The following KDSR variants were observed in gnomAD, a reference collection of about 807,000 sequenced individuals.
The protein encoded by KDSR is 3-dehydrosphinganine reductase.
In KDSR, 23 loss-of-function variants were observed where a neutral mutation model predicts 41.3. That is an observed-to-expected ratio of 0.56 (90% CI 0.40 to 0.79). KDSR has a LOEUF of 0.79. Ranked by LOEUF, KDSR falls within the 30% of genes least tolerant of loss-of-function variation. The pLI, the probability that KDSR is intolerant of heterozygous loss-of-function variation, is 0.00. For synonymous variants in KDSR, 138 were observed against 151.7 expected (o/e 0.91, Z 0.66); for missense variants, 351 against 416.8 (o/e 0.84, Z 1.37).
At chr18:63,347,495 CAAAAAAAAAA>C (rs36023779) in intron 6 of KDSR, among the ~76,000 whole-genome samples, 7 of 56,986 alleles carry the variant, frequency 1.2e-4, no homozygotes, top group African/African-American at 4.7e-4. Context: ...GACTCCATCT[CAAAAAAAAAA>C]AAAAAAAAAA....
chr18:63,362,610 A>G (rs753973093), intron 2 of KDSR, among the ~76,000 whole-genome samples, 169 bp downstream of exon 2: 3 of 152,252 alleles, frequency 2.0e-5, no homozygotes, highest in Admixed American at 1.3e-4. Context: ...TGATTTCAAC[A>G]GAGAAGTGTT....
rs140520568 is a variant in KDSR, at chr18:63,347,612, C to A, written c.610-3119G>T. 3.7e-3 allele frequency among the ~76,000 whole-genome samples: 569 copies of A among 151,788 alleles called. 3 individuals carry two copies. The highest frequency in any genetic ancestry group is 0.012 in the African/African-American group (501 of 41,384). On this transcript the variant is annotated intron_variant, in intron 6 of 9. Transcript: ENST00000645214. Reference sequence around the variant, plus strand: ...GGGGATGCTGGAAAGAAGATCACAGCTGTTTACATGAAACTCCAGAATTCA... The same window carrying A: ...GGGGATGCTGGAAAGAAGATCACAGATGTTTACATGAAACTCCAGAATTCA...
At position 63,331,284 on chromosome 18, in the gene KDSR, GACAGAGAGAC is replaced by G. The variant is rs759798588; in HGVS notation, c.*488_*497del. On this transcript the variant is annotated 3_prime_UTR_variant, in exon 10 of 10. Coordinates refer to ENST00000645214, the MANE Select transcript of KDSR (RefSeq NM_002035.4). ...AGAAAGAAAGAGAGAGAGAGAGAGA[GACAGAGAGAC>G]AGAGAGACAGAGAGACAGAGAGACA... 0.05 allele frequency: 7,037 copies of G among 141,104 alleles called. 188 individuals carry two copies. The highest frequency in any genetic ancestry group is 0.22 in the South Asian group (614 of 2,794). 8.7% of individuals were successfully genotyped at this position (141,104 alleles called of 1,614,324 possible). A position where few individuals can be genotyped will look rare whatever the true frequency, so the allele number is the denominator to read the frequency against.
chr18:63,341,081 C>G (rs1323846380), intron 7 of KDSR, among the ~76,000 whole-genome samples: 1 of 151,882 alleles, frequency 6.6e-6, no homozygotes, highest in Non-Finnish European at 1.5e-5. Flanking sequence ...AGCTGAGAAG[C>G]TAGAGATTTA....
In KDSR at chr18:63,328,996, G is replaced by GT; in HGVS notation, c.*2785dup. 1 of 196,656 alleles carries GT rather than the reference G, an allele frequency of 5.1e-6. No homozygotes were observed. The highest frequency in any genetic ancestry group is 1.1e-5 in the Non-Finnish European group (1 of 94,864). The allele number at this position is 196,656 out of a possible 1,614,324, so 12.2% of individuals were successfully genotyped here. On this transcript the variant is annotated 3_prime_UTR_variant, in exon 10 of 10. Transcript: ENST00000645214. ...CGCACTTCTGGGTCCAATAGAAGGTGTTGAATCAATGTGATCCTTTAAAAA... is the reference window on the plus strand; with the variant it reads ...CGCACTTCTGGGTCCAATAGAAGGTGTTTGAATCAATGTGATCCTTTAAAAA...
At chr18:63,337,366 T>C (rs1914206135) in intron 8 of KDSR, among the ~76,000 whole-genome samples, 1 of 152,120 alleles carries the variant, frequency 6.6e-6, no homozygotes, top group South Asian at 2.1e-4. Flanking sequence ...TCCGCCCGCC[T>C]TGGCCTCCCA....
intron 8 of KDSR, among the ~76,000 whole-genome samples, chr18:63,336,415 G>A (rs973335473): frequency 6.6e-5 from 10 of 152,188 alleles, no homozygotes; most frequent in African/African-American, 2.4e-4. Context: ...TGCAGAAAGC[G>A]AAGCAAGCAA....
chr18:63,363,207 C>CTTTT (rs1006397920), intron 1 of KDSR, among the ~76,000 whole-genome samples: 1 of 121,780 alleles, frequency 8.2e-6, no homozygotes, highest in African/African-American at 3.0e-5. Context: ...ATCTTATTTT[C>CTTTT]TTTTTTTTTT....
chr18:63,362,618 G>A (rs757267329), intron 2 of KDSR, among the ~76,000 whole-genome samples, 161 bp downstream of exon 2: 12 of 152,212 alleles, frequency 7.9e-5, no homozygotes, highest in East Asian at 1.9e-4. Context: ...ACAGAGAAGT[G>A]TTTGGCCTAA....
chr18:63,329,657 G>A lies in KDSR; in HGVS notation c.*2125C>T, dbSNP rs1489778533. 5.1e-6 allele frequency: 1 copy of A among 196,430 alleles called. No individual in the cohort carries two copies. Among genetic ancestry groups the A allele is most frequent in the African/African-American group, 2.3e-5 (1 of 43,258 alleles). 12.2% of individuals were successfully genotyped at this position (196,430 alleles called of 1,614,324 possible). A position where few individuals can be genotyped will look rare whatever the true frequency, so the allele number is the denominator to read the frequency against. ...AACAGGTGCTCTTAAATTTATTCGGGTAGTAGATTACCATCTCACTGGAGG... is the reference window on the plus strand; with the variant it reads ...AACAGGTGCTCTTAAATTTATTCGGATAGTAGATTACCATCTCACTGGAGG... On this transcript the variant is annotated 3_prime_UTR_variant, in exon 10 of 10. Transcript: ENST00000645214.
chr18:63,333,108 T>C (rs1195671017), intron 9 of KDSR, among the ~76,000 whole-genome samples: 2 of 152,006 alleles, frequency 1.3e-5, no homozygotes, highest in Non-Finnish European at 2.9e-5. Flanking sequence ...AAATCCTTTT[T>C]AGAGACAGGG....
At chr18:63,352,033 C>T (rs1315872886) in intron 5 of KDSR, among the ~76,000 whole-genome samples, 2 of 152,322 alleles carry the variant, frequency 1.3e-5, no homozygotes, top group East Asian at 1.9e-4. Context: ...GTACTCCTGC[C>T]TTGACCTCCC....
rs1401176915 is a variant in KDSR at position 63,338,838 on chromosome 18, G to C, written c.739C>G (p.Pro247Ala). The change falls in exon 8 of 10, where the codon CCA becomes GCA. Residue 247 changes from proline to alanine, a missense_variant. Physicochemically the swap from Pro to Ala is conservative, Grantham distance 27. Transcript: ENST00000645214. ...LISETTSVCK[P>A]EQVAKQIVKD... ...ACAATTTGTTTGGCCACCTGTTCTG[G>C]TTTGCACACAGATGTGGTCTCTGAA... 1.2e-6 allele frequency: 2 copies of C among 1,610,144 alleles called. No individual in the cohort carries two copies. Among genetic ancestry groups the C allele is most frequent in the Admixed American group, 3.4e-5 (2 of 58,780 alleles).
intron 8 of KDSR, 84 bp from the exon 9 acceptor site, chr18:63,335,442 G>C (rs1914125869): frequency 1.1e-6 from 1 of 911,702 alleles, no homozygotes; most frequent in African/African-American, 1.6e-5. Flanking sequence ...ACAGTGGAGT[G>C]TGCTCGTTCA....
chr18:63,341,124 T>G (rs1280106062), intron 7 of KDSR, among the ~76,000 whole-genome samples: 1 of 152,068 alleles, frequency 6.6e-6, no homozygotes, highest in Non-Finnish European at 1.5e-5. Context: ...CTCTTAAATA[T>G]GGACAATCAA....
intron 3 of KDSR, among the ~76,000 whole-genome samples, chr18:63,357,592 A>ATTTT (rs758193283): frequency 0.29 from 33,240 of 115,378 alleles, 6,151 homozygotes; most frequent in Non-Finnish European, 0.39. Flanking sequence ...ATATATATAT[A>ATTTT]TATTTTTTTT....
In KDSR at chr18:63,358,641, GTC is replaced by G. The variant is rs1463030255; in HGVS notation, c.255+1093_255+1094del. ...AGCCTGACAAACATGGTAAAACCCT[GTC>G]TCTACTAAAAATACAAAAAAAATTA... On this transcript the variant is annotated intron_variant, in intron 3 of 9. Transcript: ENST00000645214. Among the ~76,000 whole-genome samples the G allele has an allele frequency of 3.3e-5, 5 of 151,574 alleles. No homozygotes were observed. The South Asian group carries it at 8.3e-4, about 25-fold the overall frequency.
At chr18:63,337,620 G>A (rs922512036) in intron 8 of KDSR, among the ~76,000 whole-genome samples, 5 of 152,154 alleles carry the variant, frequency 3.3e-5, no homozygotes, top group Non-Finnish European at 7.3e-5. Context: ...GAGCTATTTA[G>A]CATCATTAGA....
Position 63,357,974 on chromosome 18 carries a change from G to C in KDSR, c.255+1762C>G, listed in dbSNP as rs975999169. 2.6e-5 allele frequency among the ~76,000 whole-genome samples: 4 copies of C among 151,870 alleles called. No homozygotes were observed. The East Asian group carries it at 7.8e-4, about 30-fold the overall frequency. On this transcript the variant is annotated intron_variant, in intron 3 of 9. Coordinates refer to ENST00000645214, the MANE Select transcript of KDSR (RefSeq NM_002035.4). Reference sequence around the variant, plus strand: ...GGGCGGATCACGAGGTTGGGAGTTCGAGACCAGCCTGATCAACATGGTGAA... The same window carrying C: ...GGGCGGATCACGAGGTTGGGAGTTCCAGACCAGCCTGATCAACATGGTGAA...
Sources: gnomAD v4.1 joint callset for allele counts (sites outside exome capture counted in the v4.1 genomes callset) on GRCh38, gnomAD v4.1.1 for gene constraint, MANE v1.5 for transcripts, NCBI Gene and HGNC (gene_info 2026-07-23, HGNC 2026-07-21) for gene names.